The following DRG1 variants were observed in gnomAD, a reference collection of about 807,000 sequenced individuals.
DRG1 encodes developmentally regulated GTP binding protein 1.
Under a neutral mutation model 38.8 loss-of-function variants are expected in DRG1, and 19 were observed. The observed-to-expected ratio is 0.49, with a 90% CI of 0.34 to 0.72. The LOEUF is 0.72. Among genes scored for constraint, DRG1 ranks in the 30% least tolerant of loss-of-function variants. DRG1 has a pLI of 0.01. For missense variants in DRG1, 299 were observed against 444.8 expected (o/e 0.67, Z 2.95); for synonymous variants, 167 against 157.5 (o/e 1.06, Z -0.45).
At chr22:31,413,609 G>GTTTTTTTTT (rs35654476) in intron 4 of DRG1, among the ~76,000 whole-genome samples, 13 of 60,488 alleles carry the variant, frequency 2.1e-4, no homozygotes, top group Admixed American at 2.5e-4. Context: ...CCTATTGTGG[G>GTTTTTTTTT]TTTTTTTTTT....
intron 8 of DRG1, among the ~76,000 whole-genome samples, chr22:31,430,067 T>C (rs2050130826): frequency 6.6e-6 from 1 of 152,192 alleles, no homozygotes; most frequent in Non-Finnish European, 1.5e-5. Flanking sequence ...TCCTTACTTT[T>C]TGATAGTGTT....
intron 3 of DRG1, among the ~76,000 whole-genome samples, chr22:31,409,687 C>T (rs193274390): frequency 1.5e-3 from 233 of 152,156 alleles, no homozygotes; most frequent in Middle Eastern, 0.01. Context: ...AGTGGGGGAA[C>T]ACTGAAAAAT....
chr22:31,426,854 G>C, intron 7 of DRG1, 72 bp downstream of exon 7: 1 of 1,548,174 alleles, frequency 6.5e-7, no homozygotes, highest in Non-Finnish European at 8.7e-7. Context: ...ACTTTCTGGA[G>C]CTCATTAACA....
chr22:31,427,410 C>G (rs543463189), intron 8 of DRG1, among the ~76,000 whole-genome samples: 4 of 152,108 alleles, frequency 2.6e-5, no homozygotes, highest in African/African-American at 9.6e-5. Context: ...CAACCCTGAC[C>G]TTCCCTCATT....
intron 3 of DRG1, among the ~76,000 whole-genome samples, chr22:31,410,244 C>G (rs944802973): frequency 3.9e-5 from 6 of 152,092 alleles, no homozygotes; most frequent in African/African-American, 1.4e-4. Context: ...ATCTCGAGTT[C>G]AGGAGTTTGA....
At chr22:31,427,726 C>T (rs1470225910) in intron 8 of DRG1, among the ~76,000 whole-genome samples, 3 of 151,912 alleles carry the variant, frequency 2.0e-5, no homozygotes, top group Non-Finnish European at 4.4e-5. Context: ...CCATTATACC[C>T]GGCTAATTTT....
At chr22:31,408,580 T>A (rs1209462112) in intron 3 of DRG1, among the ~76,000 whole-genome samples, 1 of 151,554 alleles carries the variant, frequency 6.6e-6, no homozygotes, top group Non-Finnish European at 1.5e-5. Flanking sequence ...AAAACTTGTC[T>A]CTACTAAAAA....
chr22:31,410,945 G>A, intron 3 of DRG1, 67 bp from the exon 4 acceptor site: 2 of 1,508,298 alleles, frequency 1.3e-6, no homozygotes, highest in South Asian at 2.3e-5. Context: ...AATTAATTCT[G>A]TTTGATATTT....
chr22:31,405,645 A>C (rs1159571086), intron 3 of DRG1, among the ~76,000 whole-genome samples: 1 of 149,402 alleles, frequency 6.7e-6, no homozygotes, highest in Non-Finnish European at 1.5e-5. Flanking sequence ...TGCTAACATC[A>C]GTTAGGCTCA....
At chr22:31,420,904 T>C (rs2050073189) in intron 5 of DRG1, among the ~76,000 whole-genome samples, 1 of 151,998 alleles carries the variant, frequency 6.6e-6, no homozygotes, top group African/African-American at 2.4e-5. Flanking sequence ...GAACACAAAG[T>C]AGGGAAAGGA....
intron 2 of DRG1, among the ~76,000 whole-genome samples, chr22:31,402,440 C>T (rs1162043080): frequency 2.0e-5 from 3 of 151,800 alleles, no homozygotes; most frequent in Non-Finnish European, 4.4e-5. Context: ...CAGGGCTACA[C>T]CATAGGTAGA....
intron 4 of DRG1, among the ~76,000 whole-genome samples, chr22:31,418,961 G>A (rs1477217111): frequency 1.3e-5 from 2 of 152,014 alleles, no homozygotes; most frequent in African/African-American, 2.4e-5. Context: ...GATTACAGGC[G>A]TGAGCCACTG....
chr22:31,418,387 G>C (rs572524465), intron 4 of DRG1, among the ~76,000 whole-genome samples: 4 of 152,272 alleles, frequency 2.6e-5, no homozygotes, highest in African/African-American at 9.6e-5. Flanking sequence ...GAGCCCAGGA[G>C]GTGGAGGTTA....
chr22:31,431,347 G>C (rs2050138797), intron 8 of DRG1, among the ~76,000 whole-genome samples: 1 of 151,836 alleles, frequency 6.6e-6, no homozygotes, highest in Non-Finnish European at 1.5e-5. Flanking sequence ...TTTTTTTTCT[G>C]AATAGGAAAA....
intron 4 of DRG1, among the ~76,000 whole-genome samples, chr22:31,416,851 G>A (rs988770534): frequency 6.6e-6 from 1 of 150,782 alleles, no homozygotes; most frequent in Non-Finnish European, 1.5e-5. Flanking sequence ...TGTAGTGAGC[G>A]GAAATTGCAC....
chr22:31,411,118 T>A, intron 4 of DRG1, 37 bp downstream of exon 4: 1 of 1,603,638 alleles, frequency 6.2e-7, no homozygotes, highest in Admixed American at 1.7e-5. Context: ...GGGATATCAT[T>A]CCCTTCTCTG....
At chr22:31,424,365 G>C (rs943416044) in intron 6 of DRG1, among the ~76,000 whole-genome samples, 27 of 151,830 alleles carry the variant, frequency 1.8e-4, no homozygotes, top group Non-Finnish European at 2.5e-4. Flanking sequence ...TGGCCAGACT[G>C]GTCTCAAACT....
intron 3 of DRG1, among the ~76,000 whole-genome samples, chr22:31,410,145 T>G (rs2050010486): frequency 6.6e-6 from 1 of 152,090 alleles, no homozygotes; most frequent in Non-Finnish European, 1.5e-5. Flanking sequence ...GTTAGGCATT[T>G]TCAAGGAGGT....
Position 31,426,716 on chromosome 22 carries a change from C to T in DRG1, c.815C>T (p.Ala272Val). Residue 272 changes from alanine to valine, a missense_variant, in exon 7 of 9, where the codon GCC (alanine) becomes GTC (valine). By Grantham distance (64) the Ala-to-Val change is moderately conservative. Around this residue, in one of 3 missense-constraint regions of DRG1, gnomAD observed 198 missense variants for 268.1 expected, o/e 0.74. Transcript: ENST00000331457. ...YKVPHCVPIS[A>V]HHRWNFDDLL... ...GTGCCTCACTGTGTACCCATCTCTG[C>T]CCATCACCGCTGGAATTTTGATGAC... The T allele has an allele frequency of 6.2e-7, 1 of 1,614,124 alleles. No individual in the cohort carries two copies. The highest frequency in any genetic ancestry group is 8.5e-7 in the Non-Finnish European group (1 of 1,180,022).
Sources: allele counts gnomAD v4.1 joint callset (sites outside exome capture counted in the v4.1 genomes callset), GRCh38; gene constraint gnomAD v4.1.1; regional missense constraint gnomAD v4.1.1; transcripts MANE v1.5; gene names NCBI Gene and HGNC (gene_info 2026-07-23, HGNC 2026-07-21).